The following LMLN variants were observed in gnomAD, a reference collection of about 807,000 sequenced individuals.
The protein encoded by LMLN is leishmanolysin like peptidase.
Under a neutral mutation model 92.3 loss-of-function variants are expected in LMLN, and 70 were observed. The ratio of observed to expected loss-of-function variants is 0.76; its 90% CI spans 0.63 to 0.92. LMLN has a LOEUF of 0.92. Among genes scored for constraint, LMLN ranks in the 40% least tolerant of loss-of-function variants. LMLN has a pLI of 0.00. For synonymous variants in LMLN, 308 were observed against 296.2 expected, an observed-to-expected ratio of 1.04 and a Z score of -0.41; for missense variants, 691 against 814.6, an observed-to-expected ratio of 0.85 and a Z score of 1.85.
rs561096444 is a variant in LMLN, at chr3:197,985,570, T to G, written c.835-226T>G. The G allele has an allele frequency of 2.8e-5, 9 of 326,520 alleles. No individual in the cohort carries two copies. In the Admixed American group the frequency reaches 3.0e-4, roughly 11 times the overall value. The allele number at this position is 326,520 out of a possible 1,614,324, so 20.2% of individuals were successfully genotyped here. Reference sequence around the variant, plus strand: ...ATAAATTTAAAATATATAATACATTTTAGAAAATTTCTCGTTAGAAATATT... The same window carrying G: ...ATAAATTTAAAATATATAATACATTGTAGAAAATTTCTCGTTAGAAATATT... On this transcript the variant is annotated intron_variant, in intron 7 of 15. Coordinates refer to ENST00000330198, the Ensembl canonical transcript of LMLN.
intron 11 of LMLN, among the ~76,000 whole-genome samples, chr3:198,010,494 C>G (rs1722403471): frequency 6.6e-6 from 1 of 151,330 alleles, no homozygotes; most frequent in Non-Finnish European, 1.5e-5. Flanking sequence ...GTTGCCCAGG[C>G]TTGAGTACAA....
At chr3:198,024,632 A>G (rs1722876330) in intron 13 of LMLN, 26 bp from the exon 15 acceptor site, 11 of 1,535,280 alleles carry the variant, frequency 7.2e-6, no homozygotes, top group Non-Finnish European at 8.7e-6. Context: ...GTCAATTTTT[A>G]AGGAGACTTT....
chr3:197,965,449 C>A (rs551809677), intron 1 of LMLN, among the ~76,000 whole-genome samples: 8 of 151,830 alleles, frequency 5.3e-5, no homozygotes, highest in Non-Finnish European at 7.4e-5. Flanking sequence ...GTATGTTGCC[C>A]GGGCTGGTCT....
At position 197,972,960 on chromosome 3, in the gene LMLN, A is replaced by G. The variant is rs1454575535; in HGVS notation, c.220-1417A>G. ...TTTTCTGGTGATACAAGTTCTGAAC[A>G]TTTTGCTGTAGCTCCTCAAGCCAGT... On this transcript the variant is annotated intron_variant, in intron 1 of 15. Coordinates refer to ENST00000330198, the Ensembl canonical transcript of LMLN. Among the ~76,000 whole-genome samples the G allele has an allele frequency of 1.3e-5, 2 of 152,028 alleles. 1 individual carries two copies. The highest frequency in any genetic ancestry group is 2.9e-5 in the Non-Finnish European group (2 of 68,024).
In LMLN at chr3:198,019,352, G is replaced by C; in HGVS notation, c.1332G>C (p.Gln444His). 1 of 1,614,118 alleles carries C rather than the reference G, an allele frequency of 6.2e-7. No individual in the cohort carries two copies. The highest frequency in any genetic ancestry group is 1.1e-5 in the South Asian group (1 of 91,068). ...GAGCAGTTGCCGTGTGTAATTTGCA[G>C]AAGTTCCCTAAGCCTTTACCACAGG... The change falls in exon 12 of 16, where the codon CAG (glutamine) becomes CAC (histidine). Residue 444 changes from glutamine (Q) to histidine (H), a missense_variant. Gln to His is a conservative substitution (Grantham distance 24). This residue lies in a region of LMLN where 352 missense variants were observed against 443.6 expected (regional missense o/e 0.79). Coordinates refer to ENST00000330198, the Ensembl canonical transcript of LMLN. This position sits in a 1 kb window ranked among gnomAD's most constrained non-coding sequence, Gnocchi z 5.5.
At chr3:197,995,037 G>A (rs915748117) in intron 9 of LMLN, among the ~76,000 whole-genome samples, 5 of 152,154 alleles carry the variant, frequency 3.3e-5, no homozygotes, top group Non-Finnish European at 7.3e-5. Context: ...AACTGCTCAG[G>A]TCCACTTATT....
At chr3:197,973,214 A>G (rs1192262843) in intron 1 of LMLN, among the ~76,000 whole-genome samples, 1 of 150,640 alleles carries the variant, frequency 6.6e-6, no homozygotes, top group South Asian at 2.1e-4. Flanking sequence ...AAAATGTACC[A>G]TATCCATTTG....
chr3:198,005,472 T>G (rs1235737705), intron 11 of LMLN, among the ~76,000 whole-genome samples: 4 of 152,172 alleles, frequency 2.6e-5, no homozygotes, highest in Non-Finnish European at 5.9e-5. Context: ...CTGTATACTT[T>G]AAATTACTTC....
chr3:197,969,826 T>C (rs1422027944), intron 1 of LMLN, among the ~76,000 whole-genome samples: 2 of 152,212 alleles, frequency 1.3e-5, no homozygotes, highest in African/African-American at 4.8e-5. Flanking sequence ...AATATATTAA[T>C]ATATGACTTC....
chr3:197,972,865 G>A (rs954955193), intron 1 of LMLN, among the ~76,000 whole-genome samples: 3 of 152,120 alleles, frequency 2.0e-5, no homozygotes, highest in Non-Finnish European at 2.9e-5. Context: ...ATTTGACTGG[G>A]TTTCATATGC....
At chr3:198,007,155 CAG>C (rs1038225997) in intron 11 of LMLN, among the ~76,000 whole-genome samples, 2 of 152,150 alleles carry the variant, frequency 1.3e-5, no homozygotes, top group Non-Finnish European at 2.9e-5. Flanking sequence ...GTCCTTTTAA[CAG>C]GGGCTTTTGT....
chr3:198,019,165 G>T lies in LMLN; in HGVS notation c.1233-88G>T. The T allele has an allele frequency of 7.6e-7, 1 of 1,314,208 alleles. No individual in the cohort carries two copies. Among genetic ancestry groups the T allele is most frequent in the Non-Finnish European group, 1.0e-6 (1 of 961,644 alleles). The allele number at this position is 1,314,208 out of a possible 1,614,324, so 81.4% of individuals were successfully genotyped here. A position where few individuals can be genotyped will look rare whatever the true frequency, so the allele number is the denominator to read the frequency against. On this transcript the variant is annotated intron_variant, in intron 11 of 15. Coordinates refer to ENST00000330198, the Ensembl canonical transcript of LMLN. The surrounding 1 kb of genome is among the most constrained non-coding windows in gnomAD (Gnocchi z 5.5). ...TATGAAGGTTTGTATTTTTAGGCCA[G>T]GATCTGGAATTCCATTTGTTGGCTG...
At chr3:197,994,993 T>TA (rs1721978969) in intron 9 of LMLN, among the ~76,000 whole-genome samples, 1 of 152,196 alleles carries the variant, frequency 6.6e-6, no homozygotes, top group South Asian at 2.1e-4. Context: ...GAAAGTGTGT[T>TA]ATACACAATT....
chr3:197,968,142 T>C (rs1276874974), intron 1 of LMLN, among the ~76,000 whole-genome samples: 1 of 152,124 alleles, frequency 6.6e-6, no homozygotes, highest in Non-Finnish European at 1.5e-5. Context: ...GATAACAAGA[T>C]TAAGAGATTA....
At chr3:197,970,641 G>A (rs1427657224) in intron 1 of LMLN, among the ~76,000 whole-genome samples, 1 of 152,172 alleles carries the variant, frequency 6.6e-6, no homozygotes, top group Admixed American at 6.5e-5. Flanking sequence ...CCAGAAGCAA[G>A]CAAATGTTCA....
rs11185491 is a variant in LMLN at position 197,968,660 on chromosome 3, C to G, written c.220-5717C>G. On this transcript the variant is annotated intron_variant, in intron 1 of 15. Coordinates refer to ENST00000330198, the Ensembl canonical transcript of LMLN. ...CTGCCGCGCCTCCAGCCGGTCCCTC[C>G]GTTCAGGGTCCCTGACTTCCTGCAA... Among the ~76,000 whole-genome samples, 183 of 152,188 alleles carry G rather than the reference C, an allele frequency of 1.2e-3. 5 individuals are homozygous for G. The East Asian group carries it at 0.03, about 25-fold the overall frequency.
At chr3:198,013,859 G>T in intron 11 of LMLN, among the ~76,000 whole-genome samples, 1 of 142,026 alleles carries the variant, frequency 7.0e-6, no homozygotes, top group African/African-American at 2.8e-5. Context: ...TAACTAGTCT[G>T]ACTTCTCTGT....
At chr3:197,963,884 T>C (rs200256465) in intron 1 of LMLN, among the ~76,000 whole-genome samples, 2 of 152,362 alleles carry the variant, frequency 1.3e-5, no homozygotes, top group East Asian at 3.9e-4. Flanking sequence ...CTCTGACCAT[T>C]AAGTATGATG....
chr3:197,968,799 T>C (rs796252142), intron 1 of LMLN, among the ~76,000 whole-genome samples: 7 of 152,360 alleles, frequency 4.6e-5, no homozygotes, highest in African/African-American at 1.7e-4. Context: ...CTTCCTTAAA[T>C]GTTTAGTAGA....
Sources: gnomAD v4.1 joint callset for allele counts (sites outside exome capture counted in the v4.1 genomes callset) on GRCh38, gnomAD v4.1.1 for gene constraint, gnomAD v4.1.1 regional missense constraint, Gnocchi (gnomAD v3.1) non-coding constraint, MANE v1.5 for transcripts, NCBI Gene and HGNC (gene_info 2026-07-23, HGNC 2026-07-21) for gene names.